Variants in NRG1 observed in about 807,000 individuals in gnomAD.
The protein encoded by NRG1 is neuregulin 1.
Under a neutral mutation model 63.8 loss-of-function variants are expected in NRG1, and 18 were observed. The ratio of observed to expected loss-of-function variants is 0.28; its 90% CI spans 0.19 to 0.42. NRG1 has a LOEUF of 0.42. NRG1 is among the 10% of genes least tolerant of loss of function. The pLI is 1.00. For missense variants in NRG1, 762 were observed against 814.7 expected (o/e 0.94, Z 0.79); for synonymous variants, 302 against 301.3 (o/e 1.00, Z -0.02).
intron 9 of NRG1, among the ~76,000 whole-genome samples, chr8:32,758,039 C>A (rs1194930435): frequency 1.3e-5 from 2 of 152,138 alleles, no homozygotes; most frequent in Admixed American, 1.3e-4. Flanking sequence ...ACTAAGAGAA[C>A]CAGCTAGAGT....
At chr8:32,700,118 A>T (rs1814455498) in intron 5 of NRG1, among the ~76,000 whole-genome samples, 1 of 152,104 alleles carries the variant, frequency 6.6e-6, no homozygotes, top group Non-Finnish European at 1.5e-5. Context: ...CCAGCTATTC[A>T]AGTTATTTTT....
intron 1 of NRG1, among the ~76,000 whole-genome samples, chr8:32,132,845 A>T (rs1158774686): frequency 6.6e-6 from 1 of 152,144 alleles, no homozygotes; most frequent in East Asian, 1.9e-4. Context: ...AAAGCAGTTT[A>T]ATCATCCATC....
At chr8:32,267,489 C>G (rs564406060) in intron 1 of NRG1, among the ~76,000 whole-genome samples, 31 of 152,226 alleles carry the variant, frequency 2.0e-4, no homozygotes, top group African/African-American at 7.2e-4. Context: ...CTCAGAGGAC[C>G]ACAGGATATC....
At chr8:31,868,147 TAC>T (rs1047085862) in intron 1 of NRG1, among the ~76,000 whole-genome samples, 2,626 of 32,490 alleles carry the variant, frequency 0.081, 32 homozygotes, top group Non-Finnish European at 0.11. Flanking sequence ...ACATACATCT[TAC>T]ACACACACAC....
chr8:31,999,326 C>T (rs1310722539), intron 1 of NRG1, among the ~76,000 whole-genome samples: 4 of 151,926 alleles, frequency 2.6e-5, no homozygotes, highest in Non-Finnish European at 5.9e-5. Flanking sequence ...TGTGTGCCCA[C>T]ATCATACTTA....
chr8:32,333,745 T>C (rs950079342), intron 1 of NRG1, among the ~76,000 whole-genome samples: 1 of 152,248 alleles, frequency 6.6e-6, no homozygotes, highest in Non-Finnish European at 1.5e-5. Flanking sequence ...AAACCACCTA[T>C]ATTTACAGAT....
intron 1 of NRG1, among the ~76,000 whole-genome samples, chr8:31,877,221 CT>C: frequency 6.6e-6 from 1 of 152,146 alleles, no homozygotes; most frequent in Non-Finnish European, 1.5e-5. Context: ...AGCAAATTAA[CT>C]TTTTTAGAAA....
chr8:32,713,458 T>C (rs1232940725), intron 5 of NRG1, among the ~76,000 whole-genome samples: 1 of 152,124 alleles, frequency 6.6e-6, no homozygotes. Flanking sequence ...TAGACCTTCC[T>C]AATTGAGTTG....
chr8:31,923,905 A>T (rs1402408329), intron 1 of NRG1, among the ~76,000 whole-genome samples: 1 of 151,948 alleles, frequency 6.6e-6, no homozygotes, highest in African/African-American at 2.4e-5. Flanking sequence ...CACATTCATG[A>T]TGGACAGTGT....
At chr8:32,755,902 C>T (rs539086388) in intron 8 of NRG1, among the ~76,000 whole-genome samples, 4 of 152,062 alleles carry the variant, frequency 2.6e-5, no homozygotes, top group East Asian at 1.9e-4. Context: ...GCCACCAGCC[C>T]GGCTAATTTT....
intron 1 of NRG1, among the ~76,000 whole-genome samples, chr8:31,813,528 T>TG (rs1275003180): frequency 1.4e-4 from 20 of 140,016 alleles, no homozygotes; most frequent in African/African-American, 5.5e-4. Flanking sequence ...TTTTTTTTTT[T>TG]TTTTTGTTTT....
intron 1 of NRG1, among the ~76,000 whole-genome samples, chr8:32,391,903 T>C (rs1295631284): frequency 1.3e-5 from 2 of 152,212 alleles, no homozygotes; most frequent in Non-Finnish European, 2.9e-5. Context: ...TTCAGTCAAC[T>C]TAAAATAGTT....
chr8:32,306,009 T>C (rs1303144559), intron 1 of NRG1, among the ~76,000 whole-genome samples: 2 of 147,386 alleles, frequency 1.4e-5, no homozygotes, highest in Non-Finnish European at 3.0e-5. Flanking sequence ...AGAGTATTTT[T>C]GTGGAAATGA....
intron 1 of NRG1, among the ~76,000 whole-genome samples, chr8:32,357,300 G>T (rs1587027287): frequency 6.6e-6 from 1 of 152,174 alleles, no homozygotes; most frequent in African/African-American, 2.4e-5. Flanking sequence ...ATCCTCAGAA[G>T]ATATAGTCCC....
downstream of NRG1, among the ~76,000 whole-genome samples, chr8:32,772,822 A>G (rs1473069936): frequency 6.6e-6 from 1 of 152,176 alleles, no homozygotes; most frequent in Non-Finnish European, 1.5e-5. Flanking sequence ...TAAGAAAGAG[A>G]GAAAATGCTG....
At chr8:32,740,572 A>G (rs60329366) in intron 6 of NRG1, among the ~76,000 whole-genome samples, 6,614 of 152,190 alleles carry the variant, frequency 0.043, 496 homozygotes, top group African/African-American at 0.15. Context: ...ATTCTAAACA[A>G]AAATAATCCG....
At chr8:32,554,346 A>T (rs1342371301) in intron 1 of NRG1, among the ~76,000 whole-genome samples, 1 of 152,206 alleles carries the variant, frequency 6.6e-6, no homozygotes, top group South Asian at 2.1e-4. Context: ...CGAGCTACCA[A>T]AATACCAATA....
chr8:32,156,136 A>G (rs1036369954), intron 1 of NRG1, among the ~76,000 whole-genome samples: 2 of 152,200 alleles, frequency 1.3e-5, no homozygotes, highest in Non-Finnish European at 2.9e-5. Flanking sequence ...GTCATAGTAC[A>G]TGCTCCTGAC....
intron 1 of NRG1, among the ~76,000 whole-genome samples, chr8:32,075,500 CA>C (rs1265967736): frequency 4.6e-5 from 7 of 152,006 alleles, no homozygotes; most frequent in Non-Finnish European, 7.4e-5. Context: ...CCATGGATAT[CA>C]AAATTAAATG....
Sources: allele counts gnomAD v4.1 joint callset (sites outside exome capture counted in the v4.1 genomes callset), GRCh38; gene constraint gnomAD v4.1.1; transcripts MANE v1.5; gene names NCBI Gene and HGNC (gene_info 2026-07-23, HGNC 2026-07-21).